Variants in ZNF831 observed in about 807,000 individuals in gnomAD.
ZNF831 encodes zinc finger protein 831.
A neutral mutation model predicts 95.8 loss-of-function variants in ZNF831; 59 were observed. The observed-to-expected ratio is 0.62, with a 90% CI of 0.50 to 0.77. The LOEUF is 0.77. ZNF831 is among the 30% of genes least tolerant of loss of function. The pLI is 0.00. For missense variants in ZNF831, 2,205 were observed against 2,164.0 expected (o/e 1.02, Z -0.38); for synonymous variants, 961 against 925.5 (o/e 1.04, Z -0.70).
intron 2 of ZNF831, among the ~76,000 whole-genome samples, chr20:59,156,301 G>A (rs1295311297): frequency 2.0e-5 from 3 of 152,152 alleles, no homozygotes; most frequent in African/African-American, 4.8e-5. Flanking sequence ...TGAGGCGAGC[G>A]GATCACCTGA....
At position 59,258,265 on chromosome 20, in the gene ZNF831, T is replaced by C. The variant is rs1988270337; in HGVS notation, c.*3522T>C. On this transcript the variant is annotated 3_prime_UTR_variant, in exon 6 of 6. Transcript: ENST00000371030. ...GTAACCTAGGGCAAGACAGACTTTT[T>C]CTTCCTGAAATCACTCTTCTAAAGC... The C allele has an allele frequency of 6.6e-6, 1 of 152,522 alleles. No individual in the cohort carries two copies. The highest frequency in any genetic ancestry group is 1.5e-5 in the Non-Finnish European group (1 of 68,044). The allele number at this position is 152,522 out of a possible 1,614,324, so 9.4% of individuals were successfully genotyped here.
rs2146567736 is a variant in ZNF831, at chr20:59,192,563, C to T, written c.1544C>T (p.Thr515Met). 5.3e-6 allele frequency: 8 copies of T among 1,521,480 alleles called. No individual in the cohort carries two copies. Among genetic ancestry groups the T allele is most frequent in the Non-Finnish European group, 5.3e-6 (6 of 1,137,622 alleles). The allele number at this position is 1,521,480 out of a possible 1,614,324, so 94.2% of individuals were successfully genotyped here. A position where few individuals can be genotyped will look rare whatever the true frequency, so the allele number is the denominator to read the frequency against. Reference protein sequence around the residue: ...NSLPFVEGSRTWLEPREPRDP... With the variant: ...NSLPFVEGSRMWLEPREPRDP... ...CTGCCCTTCGTCGAGGGCTCCAGGA[C>T]GTGGCTGGAGCCCAGGGAGCCCCGG... The change falls in exon 2 of 6, where the codon ACG becomes ATG. Residue 515 changes from threonine (T) to methionine (M), a missense_variant. Transcript: ENST00000371030. This position sits in a 1 kb window ranked among gnomAD's most constrained non-coding sequence, Gnocchi z 5.2.
In ZNF831 at chr20:59,254,467, C is replaced by T. The variant is rs1267657220; in HGVS notation, c.4758C>T (p.His1586=). 2.5e-6 allele frequency: 4 copies of T among 1,614,224 alleles called. No individual in the cohort carries two copies. The highest frequency in any genetic ancestry group is 3.4e-6 in the Non-Finnish European group (4 of 1,180,040). Residue 1586 remains histidine, a synonymous_variant, in exon 6 of 6, where the codon CAC becomes CAT. Coordinates refer to ENST00000371030, the MANE Select transcript of ZNF831 (RefSeq NM_178457.3). This position sits in a 1 kb window ranked among gnomAD's most constrained non-coding sequence, Gnocchi z 4.5. ...GTTCACACCACAAGGAAGGGAGACA[C>T]AAGACGTTTTTTCCTTCCAGAGGCC... The part of the protein sequence containing the change: ...SASSHHKEGR[H]KTFFPSRGQY...
At chr20:59,215,522 A>G (rs1985619929) in intron 4 of ZNF831, among the ~76,000 whole-genome samples, 1 of 152,260 alleles carries the variant, frequency 6.6e-6, no homozygotes, top group Non-Finnish European at 1.5e-5. Flanking sequence ...CGATTTAGGA[A>G]GCTCATATGC....
At chr20:59,235,395 T>C (rs1986945550) in intron 4 of ZNF831, among the ~76,000 whole-genome samples, 1 of 152,110 alleles carries the variant, frequency 6.6e-6, no homozygotes, top group Non-Finnish European at 1.5e-5. Context: ...TGCGTTTCCT[T>C]TCGTTGTAAC....
At position 59,173,853 on chromosome 20, in the gene ZNF831, A is replaced by G. The variant is rs79007340; in HGVS notation, c.-37+9646A>G. Among the ~76,000 whole-genome samples the G allele has an allele frequency of 6.5e-3, 991 of 152,302 alleles. 12 individuals carry two copies. The highest frequency in any genetic ancestry group is 0.023 in the African/African-American group (949 of 41,576). ...CGTAGGAATGATTAGTTACAATGAA[A>G]GAGTGACTATTAGGTACAAGGAAAC... On this transcript the variant is annotated intron_variant, in intron 1 of 5. Transcript: ENST00000371030.
chr20:59,175,506 C>A lies in ZNF831; in HGVS notation c.-37+11299C>A, dbSNP rs573601978. ...TGTCCTATCTTCAAGTTCACCGATT[C>A]TTTTTTTCTGTCCTGTCCATTTTGC... On this transcript the variant is annotated intron_variant, in intron 1 of 5. Transcript: ENST00000371030. Among the ~76,000 whole-genome samples the A allele has an allele frequency of 6.6e-5, 10 of 151,956 alleles. No homozygotes were observed. In the East Asian group the frequency reaches 1.9e-3, roughly 29 times the overall value.
chr20:59,155,090 AC>A (rs1353763785), intron 2 of ZNF831, among the ~76,000 whole-genome samples: 10 of 152,180 alleles, frequency 6.6e-5, no homozygotes, highest in Non-Finnish European at 1.5e-4. Flanking sequence ...TGGACAAGTA[AC>A]TTGAATACAG....
intron 4 of ZNF831, among the ~76,000 whole-genome samples, chr20:59,246,690 C>T (rs1405178471): frequency 6.6e-6 from 1 of 152,104 alleles, no homozygotes; most frequent in East Asian, 1.9e-4. Flanking sequence ...ATCTTGATTG[C>T]CTTTCATCAG....
chr20:59,195,604 C>T (rs1326836689), intron 2 of ZNF831, among the ~76,000 whole-genome samples: 3 of 152,118 alleles, frequency 2.0e-5, no homozygotes, highest in Non-Finnish European at 2.9e-5. Flanking sequence ...GGCTGGTCAC[C>T]GTGTTTCTTT....
chr20:59,139,805 C>T (rs765921721), intron 1 of ZNF831, among the ~76,000 whole-genome samples: 19 of 152,198 alleles, frequency 1.2e-4, no homozygotes, highest in Middle Eastern at 3.4e-3. Flanking sequence ...GAAGAAATGC[C>T]GTATAATCAG....
intron 1 of ZNF831, among the ~76,000 whole-genome samples, chr20:59,136,237 C>T (rs376849387): frequency 5.3e-5 from 8 of 152,194 alleles, no homozygotes; most frequent in East Asian, 1.9e-4. Context: ...GCCTCATCTC[C>T]TACCCTCTGC....
At chr20:59,179,518 G>A (rs2146514530) in intron 1 of ZNF831, among the ~76,000 whole-genome samples, 1 of 152,126 alleles carries the variant, frequency 6.6e-6, no homozygotes, top group East Asian at 1.9e-4. Context: ...TTTTTAGAGG[G>A]AGGGGCCACC....
chr20:59,197,949 T>C (rs1475395047), intron 3 of ZNF831, among the ~76,000 whole-genome samples: 3 of 152,176 alleles, frequency 2.0e-5, no homozygotes, highest in Non-Finnish European at 4.4e-5. Flanking sequence ...TACATGTGAC[T>C]GATAGTTGAT....
intron 4 of ZNF831, among the ~76,000 whole-genome samples, chr20:59,229,582 G>A (rs1228556073): frequency 2.0e-5 from 3 of 152,184 alleles, no homozygotes; most frequent in Non-Finnish European, 4.4e-5. Context: ...TAGCAATTTA[G>A]AACACATTTG....
chr20:59,201,555 C>A (rs1039684876), intron 3 of ZNF831, among the ~76,000 whole-genome samples: 1 of 152,130 alleles, frequency 6.6e-6, no homozygotes, highest in African/African-American at 2.4e-5. Context: ...AACAGAGCTT[C>A]AAAGCTTTTC....
chr20:59,194,596 C>T lies in ZNF831; in HGVS notation c.3577C>T (p.Pro1193Ser), dbSNP rs1247373499. 1 of 1,611,890 alleles carries T rather than the reference C, an allele frequency of 6.2e-7. No homozygotes were observed. ...LTWCCLSRSVPLPAEQKAKAA... is the reference protein window; with the variant it reads ...LTWCCLSRSVSLPAEQKAKAA... ...GTGGTGTTGCCTGAGCCGCAGTGTC[C>T]CTCTGCCCGCGGAGCAGAAGGCAAA... Residue 1193 changes from proline to serine, a missense_variant, in exon 2 of 6, where the codon CCT becomes TCT. Physicochemically the swap from Pro to Ser is moderately conservative, Grantham distance 74 (BLOSUM62 -1). Transcript: ENST00000371030.
chr20:59,143,393 G>A (rs991382099), intron 1 of ZNF831, among the ~76,000 whole-genome samples: 2 of 152,216 alleles, frequency 1.3e-5, no homozygotes, highest in African/African-American at 4.8e-5. Flanking sequence ...GTCCCGTTCA[G>A]AGTCTATGTC....
intron 1 of ZNF831, among the ~76,000 whole-genome samples, chr20:59,187,163 C>T (rs1288019963): frequency 1.3e-5 from 2 of 152,094 alleles, no homozygotes; most frequent in Non-Finnish European, 2.9e-5. Flanking sequence ...CCATAGAATC[C>T]TTAGCAGTGG....
Sources: allele counts gnomAD v4.1 joint callset (sites outside exome capture counted in the v4.1 genomes callset), GRCh38; gene constraint gnomAD v4.1.1; non-coding constraint Gnocchi (gnomAD v3.1); transcripts MANE v1.5; gene names NCBI Gene and HGNC (gene_info 2026-07-23, HGNC 2026-07-21).